PBX1: variants seen among roughly 807,000 people sequenced by gnomAD.
PBX1 encodes pre-B-cell leukemia transcription factor 1.
Under a neutral mutation model 53.4 loss-of-function variants are expected in PBX1, and 6 were observed. The ratio of observed to expected loss-of-function variants is 0.11; its 90% CI spans 0.06 to 0.22. PBX1 has a LOEUF of 0.22. Among genes scored for constraint, PBX1 ranks in the 10% least tolerant of loss-of-function variants. PBX1 has a pLI of 1.00. For missense variants in PBX1, 251 were observed against 551.4 expected, an observed-to-expected ratio of 0.46 and a Z score of 5.46; for synonymous variants, 204 against 212.3, an observed-to-expected ratio of 0.96 and a Z score of 0.34.
At position 164,846,720 on chromosome 1, in the gene PBX1, G is replaced by T. The variant is rs1353270743; in HGVS notation, c.*44G>T. The stretch of plus-strand genomic sequence containing the variant: ...CCGGCTGACCCTGTGCCCCAGTTGG[G>T]GCAGGGGCAGGAGGGAGGGTTTCTC... On this transcript the variant is annotated 3_prime_UTR_variant, in exon 9 of 9. Coordinates refer to ENST00000420696, the MANE Select transcript of PBX1 (RefSeq NM_002585.4). 2 of 1,613,784 alleles carry T rather than the reference G, an allele frequency of 1.2e-6. No individual in the cohort carries two copies. The highest frequency in any genetic ancestry group is 1.7e-6 in the Non-Finnish European group (2 of 1,179,908).
downstream of PBX1, among the ~76,000 whole-genome samples, chr1:164,853,357 G>C (rs747300063): frequency 6.6e-6 from 1 of 152,188 alleles, no homozygotes; most frequent in Non-Finnish European, 1.5e-5. Flanking sequence ...AGCTGACTCT[G>C]TCCATCACAC....
At position 164,688,915 on chromosome 1, in the gene PBX1, G is replaced by A. The variant is rs546191466; in HGVS notation, c.266-103579G>A. Among the ~76,000 whole-genome samples, 599 of 152,324 alleles carry A rather than the reference G, an allele frequency of 3.9e-3. 7 individuals carry two copies. Among genetic ancestry groups the A allele is most frequent in the Non-Finnish European group, 7.3e-3 (498 of 68,022 alleles). On this transcript the variant is annotated intron_variant, in intron 2 of 8. Coordinates refer to ENST00000420696, the MANE Select transcript of PBX1 (RefSeq NM_002585.4). The stretch of plus-strand genomic sequence containing the variant: ...CATGTCACTATTTGACTAAGGAATA[G>A]GAGGGAACAACCCCGTCTTGCCTCA...
At chr1:164,794,653 T>C (rs1362819299) in intron 3 of PBX1, among the ~76,000 whole-genome samples, 1 of 152,198 alleles carries the variant, frequency 6.6e-6, no homozygotes, top group East Asian at 1.9e-4. Flanking sequence ...TGACCATCAT[T>C]TAGAATTTGC....
At chr1:164,805,765 T>C (rs929460235) in intron 4 of PBX1, among the ~76,000 whole-genome samples, 3 of 152,182 alleles carry the variant, frequency 2.0e-5, no homozygotes. Context: ...TTTTAACACA[T>C]GCCCACTTTG....
intron 2 of PBX1, chr1:164,700,745 A>G: frequency 3.0e-6 from 3 of 985,190 alleles, no homozygotes; most frequent in Non-Finnish European, 3.6e-6. Context: ...TGCCAGTTTC[A>G]GTGAACAAGG....
chr1:164,650,942 G>C (rs150290843), intron 2 of PBX1, among the ~76,000 whole-genome samples: 4 of 142,434 alleles, frequency 2.8e-5, no homozygotes, highest in Non-Finnish European at 4.6e-5. Context: ...GGTTGAAAAT[G>C]GGGGGAATGA....
chr1:164,878,840 T>C (rs1261910863), intron 2 of PBX1, among the ~76,000 whole-genome samples: 1 of 152,214 alleles, frequency 6.6e-6, no homozygotes, highest in East Asian at 1.9e-4. Flanking sequence ...TTATAAAATG[T>C]AATGCACACC....
intron 2 of PBX1, among the ~76,000 whole-genome samples, chr1:164,655,100 G>GTGTT (rs1553225088): frequency 5.0e-5 from 7 of 138,822 alleles, no homozygotes; most frequent in African/African-American, 1.4e-4. Flanking sequence ...TCTGATGTGT[G>GTGTT]TTTTTTTTTT....
intron 2 of PBX1, among the ~76,000 whole-genome samples, chr1:164,694,401 T>A (rs890811678): frequency 6.6e-6 from 1 of 152,200 alleles, no homozygotes; most frequent in African/African-American, 2.4e-5. Context: ...AGAGGACTTA[T>A]CTTCTTTGTC....
At chr1:164,567,902 A>C (rs1653549162) in intron 2 of PBX1, among the ~76,000 whole-genome samples, 1 of 152,144 alleles carries the variant, frequency 6.6e-6, no homozygotes, top group Non-Finnish European at 1.5e-5. Context: ...AAGCGGGGAA[A>C]CATAGAACCT....
At chr1:164,761,328 T>C (rs1666800753) in intron 2 of PBX1, among the ~76,000 whole-genome samples, 1 of 152,258 alleles carries the variant, frequency 6.6e-6, no homozygotes, top group African/African-American at 2.4e-5. Flanking sequence ...CTAGTAGTAT[T>C]TTAAATGTGT....
intron 2 of PBX1, among the ~76,000 whole-genome samples, chr1:164,730,469 T>C (rs913180233): frequency 6.6e-6 from 1 of 152,224 alleles, no homozygotes; most frequent in African/African-American, 2.4e-5. Context: ...CTCGGCCTTA[T>C]GACATTAGTT....
chr1:164,810,324 A>G (rs1001810336), intron 5 of PBX1, among the ~76,000 whole-genome samples: 2 of 152,194 alleles, frequency 1.3e-5, no homozygotes, highest in African/African-American at 4.8e-5. Context: ...TTCATTCATG[A>G]TAACACTCAT....
intron 8 of PBX1, among the ~76,000 whole-genome samples, chr1:164,842,256 T>C (rs1194393257): frequency 6.6e-6 from 1 of 152,208 alleles, no homozygotes; most frequent in Non-Finnish European, 1.5e-5. Context: ...CTGTGTCACG[T>C]GTCCTGTCAG....
intron 2 of PBX1, among the ~76,000 whole-genome samples, chr1:164,686,811 G>A (rs1189102696): frequency 1.3e-5 from 2 of 151,994 alleles, no homozygotes; most frequent in African/African-American, 4.8e-5. Context: ...ACAAAAATTA[G>A]CCGGGTGTGG....
At chr1:164,839,743 C>T (rs1357265545) in intron 8 of PBX1, among the ~76,000 whole-genome samples, 1 of 152,122 alleles carries the variant, frequency 6.6e-6, no homozygotes, top group Non-Finnish European at 1.5e-5. Context: ...TTCTATTCTC[C>T]ACCAGGAATG....
At chr1:164,793,872 CTTTTT>C (rs72414989) in intron 3 of PBX1, among the ~76,000 whole-genome samples, 1 of 78,218 alleles carries the variant, frequency 1.3e-5, no homozygotes, top group African/African-American at 5.1e-5. Context: ...TTTTTCCTTT[CTTTTT>C]TTTTTTTTTT....
At chr1:164,621,979 A>C (rs1161900207) in intron 2 of PBX1, among the ~76,000 whole-genome samples, 1 of 152,182 alleles carries the variant, frequency 6.6e-6, no homozygotes, top group Non-Finnish European at 1.5e-5. Flanking sequence ...CCCTGGTTGC[A>C]TAGCTTTTGA....
chr1:164,667,357 A>G (rs1660862488), intron 2 of PBX1, among the ~76,000 whole-genome samples: 1 of 151,052 alleles, frequency 6.6e-6, no homozygotes, highest in Non-Finnish European at 1.5e-5. Flanking sequence ...AATATATAAT[A>G]TAATCTATAT....
Sources: allele counts gnomAD v4.1 joint callset (sites outside exome capture counted in the v4.1 genomes callset), GRCh38; gene constraint gnomAD v4.1.1; transcripts MANE v1.5; gene names NCBI Gene and HGNC (gene_info 2026-07-23, HGNC 2026-07-21).